Variants in RARRES1 observed in about 807,000 individuals in gnomAD.
The protein encoded by RARRES1 is retinoic acid receptor responder protein 1.
In RARRES1, 34 loss-of-function variants were observed where a neutral mutation model predicts 30.6. The observed-to-expected ratio is 1.11, with a 90% CI of 0.84 to 1.48. RARRES1 has a LOEUF of 1.48. Ranked by LOEUF, RARRES1 falls within the 40% of genes most tolerant of loss-of-function variation. RARRES1 has a pLI of 0.00. For synonymous variants in RARRES1, 153 were observed against 155.5 expected, an observed-to-expected ratio of 0.98 and a Z score of 0.12; for missense variants, 373 against 386.5, an observed-to-expected ratio of 0.97 and a Z score of 0.29.
At chr3:158,706,793 G>A (rs1226415706) in intron 3 of RARRES1, among the ~76,000 whole-genome samples, 4 of 152,230 alleles carry the variant, frequency 2.6e-5, no homozygotes, top group African/African-American at 4.8e-5. Flanking sequence ...AAGTGGGAAC[G>A]TTTTGGGTGA....
At chr3:158,710,671 C>G in intron 3 of RARRES1, 67 bp downstream of exon 3, 3 of 1,417,136 alleles carry the variant, frequency 2.1e-6, no homozygotes, top group Non-Finnish European at 1.9e-6. Flanking sequence ...CTTAAATGAT[C>G]TTTCTTTTAA....
At chr3:158,709,813 A>G (rs191291949) in intron 3 of RARRES1, among the ~76,000 whole-genome samples, 2 of 152,324 alleles carry the variant, frequency 1.3e-5, no homozygotes, top group Admixed American at 1.3e-4. Context: ...CTGAGTCTCA[A>G]CTGCTCTCCA....
chr3:158,700,296 G>A (rs1004606072), intron 4 of RARRES1, among the ~76,000 whole-genome samples: 6 of 151,576 alleles, frequency 4.0e-5, no homozygotes, highest in African/African-American at 9.7e-5. Context: ...CTTATTCTGC[G>A]TTTGAAAATG....
intron 1 of RARRES1, among the ~76,000 whole-genome samples, chr3:158,714,666 G>T (rs925963086): frequency 6.6e-6 from 1 of 152,172 alleles, no homozygotes; most frequent in African/African-American, 2.4e-5. Context: ...ACATATCTAT[G>T]TCATTGCAAT....
chr3:158,722,658 G>C (rs983528334), intron 1 of RARRES1, among the ~76,000 whole-genome samples: 1 of 151,964 alleles, frequency 6.6e-6, no homozygotes, highest in African/African-American at 2.4e-5. Context: ...CGAAGTGGGC[G>C]GATCACGAGG....
chr3:158,699,739 C>T (rs1302550554), intron 4 of RARRES1, among the ~76,000 whole-genome samples: 1 of 152,078 alleles, frequency 6.6e-6, no homozygotes, highest in Admixed American at 6.6e-5. Flanking sequence ...AGTGTACCCA[C>T]GAATGTTCAA....
In RARRES1 at chr3:158,722,086, C is replaced by CAAA. The variant is rs571829700; in HGVS notation, c.277-8230_277-8228dup. 1.6e-3 allele frequency among the ~76,000 whole-genome samples: 108 copies of CAAA among 68,730 alleles called. 3 individuals carry two copies. In the East Asian group the frequency reaches 0.038, roughly 24 times the overall value. The allele number at this position is 68,730 out of a possible 152,430, so 45.1% of individuals were successfully genotyped here. On this transcript the variant is annotated intron_variant, in intron 1 of 5. Coordinates refer to ENST00000237696, the MANE Select transcript of RARRES1 (RefSeq NM_206963.2). ...CAGCCTGGGCAACAAGAATGAAACTCAAAAAAAAAAAAAAAAAAAAGAGTA... is the reference window on the plus strand; with the variant it reads ...CAGCCTGGGCAACAAGAATGAAACTCAAAAAAAAAAAAAAAAAAAAAAAGAGTA...
chr3:158,708,444 G>C (rs141744421), intron 3 of RARRES1, among the ~76,000 whole-genome samples: 1 of 152,146 alleles, frequency 6.6e-6, no homozygotes, highest in African/African-American at 2.4e-5. Flanking sequence ...GTTATTCCCA[G>C]GTCTTCAATC....
intron 3 of RARRES1, among the ~76,000 whole-genome samples, chr3:158,708,821 C>T (rs1727014720): frequency 6.6e-6 from 1 of 152,126 alleles, no homozygotes; most frequent in Admixed American, 6.5e-5. Flanking sequence ...CGCATGCCAC[C>T]ATGCCTGGCT....
chr3:158,732,276 C>CCAGGGTCGT lies in RARRES1; in HGVS notation c.131_139dup (p.Asp44_Pro46dup). On this transcript the variant is annotated inframe_insertion, in exon 1 of 6. Transcript: ENST00000237696. ...CGGGACCCCAGCATCCTGAGGCTGCCCAGGGTCGTCGGGGTCCCCGGACCC... is the reference window on the plus strand; with the variant it reads ...CGGGACCCCAGCATCCTGAGGCTGCCCAGGGTCGTCAGGGTCGTCGGGGTCCCCGGACCC... 1 of 1,354,414 alleles carries CCAGGGTCGT rather than the reference C, an allele frequency of 7.4e-7. No homozygotes were observed. The highest frequency in any genetic ancestry group is 9.4e-7 in the Non-Finnish European group (1 of 1,063,680). The allele number at this position is 1,354,414 out of a possible 1,614,324, so 83.9% of individuals were successfully genotyped here. A position where few individuals can be genotyped will look rare whatever the true frequency, so the allele number is the denominator to read the frequency against.
chr3:158,703,824 C>G (rs1419611673), intron 4 of RARRES1, among the ~76,000 whole-genome samples: 4 of 152,190 alleles, frequency 2.6e-5, no homozygotes, highest in African/African-American at 9.7e-5. Flanking sequence ...CACTCATTAT[C>G]TGTGATCTCA....
chr3:158,714,785 T>A (rs1727268243), intron 1 of RARRES1, among the ~76,000 whole-genome samples: 1 of 152,220 alleles, frequency 6.6e-6, no homozygotes, highest in Non-Finnish European at 1.5e-5. Flanking sequence ...AACTTGCTGT[T>A]GTATAGAGCT....
At chr3:158,710,135 C>G (rs1008231588) in intron 3 of RARRES1, among the ~76,000 whole-genome samples, 1 of 152,034 alleles carries the variant, frequency 6.6e-6, no homozygotes, top group Non-Finnish European at 1.5e-5. Context: ...TATCCTATTT[C>G]AAAATCCTGT....
intron 4 of RARRES1, chr3:158,698,271 A>G (rs115183553): frequency 7.0e-6 from 2 of 284,594 alleles, no homozygotes; most frequent in South Asian, 5.0e-5. Flanking sequence ...CTGTATATAT[A>G]CCTCAAGCTG....
chr3:158,730,054 G>A (rs533392654), intron 1 of RARRES1, among the ~76,000 whole-genome samples: 4 of 151,956 alleles, frequency 2.6e-5, no homozygotes, highest in South Asian at 4.1e-4. Context: ...CGGCACGGTG[G>A]CTCATGCCTG....
At chr3:158,704,726 C>A (rs1726856787) in intron 4 of RARRES1, 65 bp downstream of exon 4, 2 of 1,528,398 alleles carry the variant, frequency 1.3e-6, no homozygotes, top group South Asian at 2.6e-5. Flanking sequence ...CGCATGAATT[C>A]AGTCTAAGGA....
chr3:158,718,055 T>G (rs1727382806), intron 1 of RARRES1, among the ~76,000 whole-genome samples: 1 of 151,484 alleles, frequency 6.6e-6, no homozygotes. Flanking sequence ...CTCAGCTCAC[T>G]GCAACCTCCG....
Position 158,732,278 on chromosome 3 carries a change from AG to A in RARRES1, c.137del (p.Pro46LeufsTer98), listed in dbSNP as rs1331056717. 7.4e-7 allele frequency: 1 copy of A among 1,353,158 alleles called. No homozygotes were observed. Among genetic ancestry groups the A allele is most frequent in the Non-Finnish European group, 9.4e-7 (1 of 1,062,988 alleles). The allele number at this position is 1,353,158 out of a possible 1,614,324, so 83.8% of individuals were successfully genotyped here. On this transcript the variant is annotated frameshift_variant, in exon 1 of 6. Transcript: ENST00000237696. LOFTEE classifies it high-confidence loss of function. ...APAGSGDPDD[P>X]GQPQDAGVPR... ...GGACCCCAGCATCCTGAGGCTGCCC[AG>A]GGTCGTCGGGGTCCCCGGACCCCGC... is the stretch of plus-strand genomic sequence containing the variant.
Position 158,697,784 on chromosome 3 carries a change from T to C in RARRES1, c.779A>G (p.Lys260Arg). 1 of 1,611,322 alleles carries C rather than the reference T, an allele frequency of 6.2e-7. No homozygotes were observed. Among genetic ancestry groups the C allele is most frequent in the South Asian group, 1.1e-5 (1 of 91,002 alleles). The change falls in exon 6 of 6, where the codon AAA becomes AGA. Residue 260 changes from lysine to arginine, a missense_variant. Lys to Arg is a conservative substitution (Grantham distance 26). Transcript: ENST00000237696. ...CRIHLVWYPG[K>R]PLKVKYHCQE... ...ACAGTGGTACTTCACTTTAAGAGGT[T>C]TGCCAGGGTACCAGACCAAGTGAAT...
Sources: gnomAD v4.1 joint callset for allele counts (sites outside exome capture counted in the v4.1 genomes callset) on GRCh38, gnomAD v4.1.1 for gene constraint, MANE v1.5 for transcripts, NCBI Gene and HGNC (gene_info 2026-07-23, HGNC 2026-07-21) for gene names.